DPH7: variants seen among roughly 807,000 people sequenced by gnomAD.
DPH7 encodes the protein diphthamide biosynthesis 7, also known as diphthine methyltransferase.
Under a neutral mutation model 41.7 loss-of-function variants are expected in DPH7, and 44 were observed. That is an observed-to-expected ratio of 1.05 (90% CI 0.83 to 1.36). The LOEUF is 1.36. Ranked by LOEUF, DPH7 falls within the 40% of genes most tolerant of loss-of-function variation. DPH7 has a pLI of 0.00. For missense variants in DPH7, 629 were observed against 577.5 expected, an observed-to-expected ratio of 1.09 and a Z score of -0.91; for synonymous variants, 275 against 238.0, an observed-to-expected ratio of 1.16 and a Z score of -1.43.
chr9:137,557,879 A>G (rs572617772), intron 8 of DPH7, among the ~76,000 whole-genome samples: 6 of 152,242 alleles, frequency 3.9e-5, no homozygotes, highest in African/African-American at 1.4e-4. Context: ...TCACGCCTGT[A>G]ATCCTAACAC....
At chr9:137,562,154 G>A (rs1021978604) in intron 8 of DPH7, among the ~76,000 whole-genome samples, 3 of 152,122 alleles carry the variant, frequency 2.0e-5, no homozygotes, top group Non-Finnish European at 2.9e-5. Context: ...GTGAGCCACC[G>A]TGCCCAGCCA....
chr9:137,558,895 A>T (rs892491743), intron 8 of DPH7, among the ~76,000 whole-genome samples: 3 of 151,924 alleles, frequency 2.0e-5, no homozygotes, highest in Non-Finnish European at 4.4e-5. Flanking sequence ...ACCTCAGGTG[A>T]TCCGCCCGCC....
At chr9:137,564,713 C>A in intron 7 of DPH7, 107 bp from the exon 8 acceptor site, 2 of 1,491,702 alleles carry the variant, frequency 1.3e-6, no homozygotes, top group Non-Finnish European at 1.8e-6. Context: ...TCCCATGCAT[C>A]CCTCGAGGAC....
rs190361518 is a variant in DPH7, at chr9:137,575,700, A to G, written c.375+380T>C. On this transcript the variant is annotated intron_variant, in intron 3 of 8. Coordinates refer to ENST00000277540, the MANE Select transcript of DPH7 (RefSeq NM_138778.5). ...GTGAGAAACTCGGAAAAATTCACACAGGACTCACGTGCTTTTCCAATAATC... is the reference window on the plus strand; with the variant it reads ...GTGAGAAACTCGGAAAAATTCACACGGGACTCACGTGCTTTTCCAATAATC... 3.8e-6 allele frequency: 4 copies of G among 1,043,440 alleles called. No homozygotes were observed. In the Admixed American group the frequency reaches 1.5e-4, roughly 38 times the overall value. The allele number at this position is 1,043,440 out of a possible 1,614,324, so 64.6% of individuals were successfully genotyped here. A position where few individuals can be genotyped will look rare whatever the true frequency, so the allele number is the denominator to read the frequency against.
chr9:137,574,889 G>A (rs781384571), intron 3 of DPH7, 46 bp from the exon 4 acceptor site: 9 of 1,609,346 alleles, frequency 5.6e-6, no homozygotes, highest in Non-Finnish European at 6.8e-6. Flanking sequence ...AGCCGCCCCA[G>A]AACCCCCAAA....
chr9:137,577,602 C>T lies in DPH7; in HGVS notation c.155G>A (p.Gly52Asp), dbSNP rs1331407140. Residue 52 changes from glycine (G) to aspartate (D), a missense_variant and splice_region_variant, in exon 2 of 9, where the codon GGT (glycine) becomes GAT (aspartate). By Grantham distance (94) the Gly-to-Asp change is moderately conservative. Coordinates refer to ENST00000277540, the MANE Select transcript of DPH7 (RefSeq NM_138778.5). Reference protein sequence around the residue: ...EDRPAGPQNKGGMEVKEPQVR... With the variant: ...EDRPAGPQNKDGMEVKEPQVR... ...CTGAGGCTCCTTAACTTCCATTCCACCCTACAAAAAATGCAGAGGTAGTCT... is the reference window on the plus strand; with the variant it reads ...CTGAGGCTCCTTAACTTCCATTCCATCCTACAAAAAATGCAGAGGTAGTCT... 1.2e-6 allele frequency: 2 copies of T among 1,612,168 alleles called. No individual in the cohort carries two copies. Among genetic ancestry groups the T allele is most frequent in the Non-Finnish European group, 1.7e-6 (2 of 1,179,370 alleles).
chr9:137,578,509 C>G, intron 1 of DPH7, 116 bp downstream of exon 1: 1 of 1,190,654 alleles, frequency 8.4e-7, no homozygotes, highest in South Asian at 1.8e-5. Context: ...TTCCAGCCTA[C>G]CTCCTGGCCA....
At position 137,555,561 on chromosome 9, in the gene DPH7, C is replaced by T. The variant is rs768560221; in HGVS notation, c.1037G>A (p.Arg346His). 6 of 1,613,744 alleles carry T rather than the reference C, an allele frequency of 3.7e-6. No homozygotes were observed. In the South Asian group the frequency reaches 4.4e-5, roughly 12 times the overall value. Residue 346 changes from arginine to histidine, a missense_variant, in exon 9 of 9, where the codon CGT becomes CAT. Arg to His is a conservative substitution (Grantham distance 29). Transcript: ENST00000277540. ...CCACGAGGGGGCCCGCTGCAGAGAA[C>T]GGAAGAGCAGCCAGGACCAGTCGGC... ...YGADWSWLLF[R>H]SLQRAPSWSF... is the part of the protein sequence containing the mutation.
rs1351531778 is a variant in DPH7, at chr9:137,576,079, C to T, written c.375+1G>A. 1 of 1,613,946 alleles carries T rather than the reference C, an allele frequency of 6.2e-7. No homozygotes were observed. The highest frequency in any genetic ancestry group is 8.5e-7 in the Non-Finnish European group (1 of 1,180,036). ...CCACAGAACAAGTGCAAGTCACTGA[C>T]CTCAGATTCCACCAGGCGGAGCAGT... is the stretch of plus-strand genomic sequence containing the variant. On this transcript the variant is annotated splice_donor_variant, in intron 3 of 8. Coordinates refer to ENST00000277540, the MANE Select transcript of DPH7 (RefSeq NM_138778.5). LOFTEE classifies it high-confidence loss of function.
chr9:137,575,467 C>T (rs974476527), intron 3 of DPH7: 5 of 989,022 alleles, frequency 5.1e-6, no homozygotes, highest in Non-Finnish European at 4.8e-6. Flanking sequence ...TCCCTCCTTT[C>T]TAAGACAGGG....
chr9:137,568,729 C>T (rs1196596651), intron 5 of DPH7, among the ~76,000 whole-genome samples: 1 of 152,068 alleles, frequency 6.6e-6, no homozygotes, highest in Non-Finnish European at 1.5e-5. Flanking sequence ...GAAAGACGGA[C>T]GGGAACAGAA....
chr9:137,560,959 T>C (rs1038586897), intron 8 of DPH7, among the ~76,000 whole-genome samples: 2 of 143,238 alleles, frequency 1.4e-5, no homozygotes, highest in Non-Finnish European at 3.0e-5. Context: ...GAGGTGGAGG[T>C]TGCAGTGGGC....
chr9:137,560,932 G>A (rs1405242227), intron 8 of DPH7, among the ~76,000 whole-genome samples: 1 of 146,026 alleles, frequency 6.8e-6, no homozygotes, highest in Non-Finnish European at 1.5e-5. Flanking sequence ...TGAGGCAGGA[G>A]AATCGCTTGA....
At chr9:137,563,631 T>G (rs538498426) in intron 8 of DPH7, among the ~76,000 whole-genome samples, 2 of 150,110 alleles carry the variant, frequency 1.3e-5, no homozygotes, top group East Asian at 3.9e-4. Context: ...TGGGAACAGG[T>G]GTGGGTCACC....
intron 4 of DPH7, 68 bp from the exon 5 acceptor site, chr9:137,574,448 C>G: frequency 6.4e-7 from 1 of 1,560,664 alleles, no homozygotes; most frequent in Non-Finnish European, 8.8e-7. Context: ...GGTTCCCAAA[C>G]AAGTCCTGAG....
In DPH7 at chr9:137,563,531, C is replaced by CAAAAAAA. The variant is rs3041762; in HGVS notation, c.949+896_949+902dup. The stretch of plus-strand genomic sequence containing the variant: ...TGGGTGACAGAGCAAGACTCCGTCT[C>CAAAAAAA]AAAAAAAAAAAAAAAAAAGAGGAAT... On this transcript the variant is annotated intron_variant, in intron 8 of 8. Coordinates refer to ENST00000277540, the MANE Select transcript of DPH7 (RefSeq NM_138778.5). Among the ~76,000 whole-genome samples the CAAAAAAA allele has an allele frequency of 1.3e-3, 111 of 85,152 alleles. 2 individuals are homozygous for CAAAAAAA. In the South Asian group the frequency reaches 0.027, roughly 20 times the overall value. The allele number at this position is 85,152 out of a possible 152,430, so 55.9% of individuals were successfully genotyped here.
chr9:137,555,814 T>C (rs1297391573), intron 8 of DPH7, among the ~76,000 whole-genome samples, 166 bp from the exon 9 acceptor site: 2 of 152,262 alleles, frequency 1.3e-5, no homozygotes, highest in East Asian at 1.9e-4. Flanking sequence ...CCTGGGCATA[T>C]GTTGGAGAAG....
At chr9:137,560,005 G>A (rs1488313414) in intron 8 of DPH7, among the ~76,000 whole-genome samples, 1 of 152,174 alleles carries the variant, frequency 6.6e-6, no homozygotes. Context: ...CACACTTAAA[G>A]TGGCTAAAAT....
intron 8 of DPH7, 117 bp from the exon 9 acceptor site, chr9:137,555,765 C>G: frequency 8.4e-7 from 1 of 1,187,926 alleles, no homozygotes; most frequent in Non-Finnish European, 1.1e-6. Context: ...GCAAGTGTTT[C>G]CTGAGGAGCC....
Sources: gnomAD v4.1 joint callset for allele counts (sites outside exome capture counted in the v4.1 genomes callset) on GRCh38, gnomAD v4.1.1 for gene constraint, MANE v1.5 for transcripts, NCBI Gene and HGNC (gene_info 2026-07-23, HGNC 2026-07-21) for gene names.